Variants in KCMF1 observed in about 807,000 individuals in gnomAD.
KCMF1 encodes potassium channel modulatory factor 1, also known as E3 ubiquitin-protein ligase KCMF1.
A neutral mutation model predicts 41.1 loss-of-function variants in KCMF1; 3 were observed. The ratio of observed to expected loss-of-function variants is 0.07; its 90% CI spans 0.03 to 0.19. KCMF1 has a LOEUF of 0.19. KCMF1 is among the 10% of genes least tolerant of loss of function. The pLI is 1.00. For missense variants in KCMF1, 286 were observed against 488.9 expected, an observed-to-expected ratio of 0.58 and a Z score of 3.91; for synonymous variants, 142 against 164.5, an observed-to-expected ratio of 0.86 and a Z score of 1.04.
At chr2:85,041,333 G>A (rs1675529083) in intron 3 of KCMF1, among the ~76,000 whole-genome samples, 1 of 152,154 alleles carries the variant, frequency 6.6e-6, no homozygotes, top group African/African-American at 2.4e-5. Context: ...TTACATCCTT[G>A]TCTCGAAGGT....
chr2:84,978,075 G>A (rs1474027632), intron 1 of KCMF1, among the ~76,000 whole-genome samples: 1 of 150,698 alleles, frequency 6.6e-6, no homozygotes, highest in Admixed American at 6.6e-5. Context: ...TCAACTCACC[G>A]CAACCTACGC....
At chr2:84,978,006 C>CTTTTTTTTTTTTTTT (rs79184611) in intron 1 of KCMF1, among the ~76,000 whole-genome samples, 1 of 145,844 alleles carries the variant, frequency 6.9e-6, no homozygotes. Context: ...TAGCAGCAAT[C>CTTTTTTTTTTTTTTT]TTTTTTTTTT....
At chr2:84,979,522 T>A (rs1243517093) in intron 1 of KCMF1, among the ~76,000 whole-genome samples, 1 of 141,682 alleles carries the variant, frequency 7.1e-6, no homozygotes, top group Non-Finnish European at 1.5e-5. Flanking sequence ...AAATTCTGTC[T>A]AAAAAAAAAA....
At chr2:84,982,985 C>T (rs1182203441) in intron 1 of KCMF1, among the ~76,000 whole-genome samples, 3 of 152,104 alleles carry the variant, frequency 2.0e-5, no homozygotes, top group African/African-American at 7.2e-5. Context: ...TACAAGTGTT[C>T]CTATATTAGA....
At chr2:84,972,986 T>A (rs1162184798) in intron 1 of KCMF1, among the ~76,000 whole-genome samples, 1 of 152,234 alleles carries the variant, frequency 6.6e-6, no homozygotes, top group Non-Finnish European at 1.5e-5. Context: ...AATCGAAATG[T>A]ATCCTTATCT....
intron 1 of KCMF1, among the ~76,000 whole-genome samples, chr2:85,012,536 A>G (rs1674677832): frequency 6.6e-6 from 1 of 152,068 alleles, no homozygotes; most frequent in African/African-American, 2.4e-5. Flanking sequence ...ACTCTCAGTG[A>G]TACAAAGACA....
intron 5 of KCMF1, 63 bp downstream of exon 5, chr2:85,046,341 T>C (rs1675666966): frequency 2.2e-6 from 3 of 1,351,174 alleles, no homozygotes; most frequent in Admixed American, 2.1e-5. Context: ...TTTAAAACTT[T>C]TTGTGATGCC....
intron 2 of KCMF1, among the ~76,000 whole-genome samples, chr2:85,028,798 C>T (rs926745473): frequency 1.3e-5 from 2 of 151,790 alleles, no homozygotes; most frequent in East Asian, 1.9e-4. Flanking sequence ...TTACTTTTTA[C>T]GTACTAAGTA....
At chr2:85,036,935 A>G (rs1355645956) in intron 3 of KCMF1, among the ~76,000 whole-genome samples, 3 of 151,630 alleles carry the variant, frequency 2.0e-5, no homozygotes, top group Admixed American at 2.0e-4. Flanking sequence ...ATCACCCCTC[A>G]GGGGCAAGGC....
At chr2:84,978,898 G>C (rs1673625749) in intron 1 of KCMF1, among the ~76,000 whole-genome samples, 1 of 152,024 alleles carries the variant, frequency 6.6e-6, no homozygotes, top group Non-Finnish European at 1.5e-5. Flanking sequence ...TGTTTTTATA[G>C]AGACAGGGTT....
intron 2 of KCMF1, 22 bp downstream of exon 2, chr2:85,028,078 G>C (rs754284680): frequency 2.3e-5 from 34 of 1,474,942 alleles, no homozygotes; most frequent in Non-Finnish European, 3.0e-5. Context: ...AAAATTTAAT[G>C]AATTACATCA....
intron 1 of KCMF1, among the ~76,000 whole-genome samples, chr2:84,997,549 G>A (rs957673470): frequency 1.3e-5 from 2 of 152,046 alleles, no homozygotes; most frequent in Admixed American, 6.6e-5. Context: ...CATCATATTA[G>A]GAAATGGATC....
At chr2:84,996,370 C>A (rs535838528) in intron 1 of KCMF1, among the ~76,000 whole-genome samples, 1 of 150,814 alleles carries the variant, frequency 6.6e-6, no homozygotes, top group Non-Finnish European at 1.5e-5. Flanking sequence ...AAAATAAGAG[C>A]TAAAAATCAA....
intron 3 of KCMF1, among the ~76,000 whole-genome samples, chr2:85,038,093 T>C (rs1675444553): frequency 6.6e-6 from 1 of 152,250 alleles, no homozygotes; most frequent in Admixed American, 6.5e-5. Context: ...AATTGCTTTT[T>C]AGGACTTTCT....
At chr2:85,019,439 A>G (rs1674873240) in intron 1 of KCMF1, among the ~76,000 whole-genome samples, 2 of 152,240 alleles carry the variant, frequency 1.3e-5, no homozygotes, top group African/African-American at 2.4e-5. Context: ...CTTAGGTAGT[A>G]TGGAATGTTC....
chr2:85,004,330 T>G (rs1207216065), intron 1 of KCMF1, among the ~76,000 whole-genome samples: 1 of 151,808 alleles, frequency 6.6e-6, no homozygotes. Context: ...GCTAACATGG[T>G]GAAAACCTGC....
intron 1 of KCMF1, among the ~76,000 whole-genome samples, chr2:84,998,533 AAATT>A (rs1674231870): frequency 6.6e-6 from 1 of 152,198 alleles, no homozygotes; most frequent in African/African-American, 2.4e-5. Flanking sequence ...AAGATCCACT[AAATT>A]AATAATTCTC....
chr2:84,990,807 A>G (rs1317628071), intron 1 of KCMF1, among the ~76,000 whole-genome samples: 1 of 152,164 alleles, frequency 6.6e-6, no homozygotes. Context: ...CGGTAGGACA[A>G]CAGGGTGGTT....
chr2:84,990,486 G>A (rs1674015642), intron 1 of KCMF1, among the ~76,000 whole-genome samples: 1 of 152,058 alleles, frequency 6.6e-6, no homozygotes, highest in African/African-American at 2.4e-5. Context: ...AATTTTGGAA[G>A]GTGATAAATA....
Sources: allele counts gnomAD v4.1 joint callset (sites outside exome capture counted in the v4.1 genomes callset), GRCh38; gene constraint gnomAD v4.1.1; transcripts MANE v1.5; gene names NCBI Gene and HGNC (gene_info 2026-07-23, HGNC 2026-07-21).